Variants in C1orf52 observed in about 807,000 individuals in gnomAD.
The protein encoded by C1orf52 is chromosome 1 open reading frame 52.
In C1orf52, 5 loss-of-function variants were observed where a neutral mutation model predicts 17.2. That is an observed-to-expected ratio of 0.29 (90% CI 0.15 to 0.61). The LOEUF (loss-of-function observed/expected upper bound fraction) is 0.61, where lower values mean the gene tolerates loss of function less well. Ranked by LOEUF, C1orf52 falls within the 20% of genes least tolerant of loss-of-function variation. The pLI is 0.85. For synonymous variants in C1orf52, 110 were observed against 88.0 expected, an observed-to-expected ratio of 1.25 and a Z score of -1.40; for missense variants, 245 against 234.1, an observed-to-expected ratio of 1.05 and a Z score of -0.30.
chr1:85,257,598 C>A, intron 2 of C1orf52: 1 of 646,150 alleles, frequency 1.5e-6, no homozygotes, highest in Non-Finnish European at 2.8e-6. Context: ...CTTTTAGAAA[C>A]TCAACACTAG....
intron 2 of C1orf52, among the ~76,000 whole-genome samples, chr1:85,258,316 G>A (rs565237650): frequency 9.8e-5 from 15 of 152,288 alleles, no homozygotes; most frequent in African/African-American, 3.1e-4. Flanking sequence ...CTAAAATACA[G>A]CAACTACTAC....
In C1orf52 at chr1:85,251,388, ATTC is replaced by A. The variant is rs1423455775; in HGVS notation, c.*1238_*1240del. 1 of 152,172 alleles carries A rather than the reference ATTC, an allele frequency of 6.6e-6. No individual in the cohort carries two copies. Among genetic ancestry groups the A allele is most frequent in the Non-Finnish European group, 1.5e-5 (1 of 68,042 alleles). 9.4% of individuals were successfully genotyped at this position (152,172 alleles called of 1,614,324 possible). On this transcript the variant is annotated 3_prime_UTR_variant, in exon 3 of 3. Coordinates refer to ENST00000471115, the MANE Select transcript of C1orf52 (RefSeq NM_198077.4). Reference sequence around the variant, plus strand: ...TACACTGAATGTGCACTGTTCTGTAATTCTTATCTCTTAAGGGCTTCAGATTCA... The same window carrying A: ...TACACTGAATGTGCACTGTTCTGTAATTATCTCTTAAGGGCTTCAGATTCA...
chr1:85,255,458 G>T (rs1659912850), intron 2 of C1orf52, among the ~76,000 whole-genome samples: 1 of 151,920 alleles, frequency 6.6e-6, no homozygotes, highest in Non-Finnish European at 1.5e-5. Flanking sequence ...GCTGAGGCAG[G>T]AGAATCGCTT....
chr1:85,255,748 T>C (rs1382364385), intron 2 of C1orf52, among the ~76,000 whole-genome samples: 2 of 152,052 alleles, frequency 1.3e-5, no homozygotes, highest in East Asian at 3.9e-4. Context: ...CTGATATATA[T>C]TTTATGAATG....
Position 85,252,433 on chromosome 1 carries a change from AG to A in C1orf52, c.*195del, listed in dbSNP as rs752513129. ...ATCAATTTCACAATCACAAGTCACC[AG>A]TTGAGTTTTAAATACATACATGTTT... On this transcript the variant is annotated 3_prime_UTR_variant, in exon 3 of 3. Transcript: ENST00000471115. 9 of 500,294 alleles carry A rather than the reference AG, an allele frequency of 1.8e-5. No individual in the cohort carries two copies. The highest frequency in any genetic ancestry group is 3.2e-5 in the Non-Finnish European group (9 of 285,668). The allele number at this position is 500,294 out of a possible 1,614,324, so 31.0% of individuals were successfully genotyped here. A position where few individuals can be genotyped will look rare whatever the true frequency, so the allele number is the denominator to read the frequency against.
At chr1:85,256,483 A>G (rs1479871025) in intron 2 of C1orf52, among the ~76,000 whole-genome samples, 5 of 152,206 alleles carry the variant, frequency 3.3e-5, no homozygotes, top group African/African-American at 1.2e-4. Flanking sequence ...AAGATTATTT[A>G]AGCAAATATA....
intron 2 of C1orf52, among the ~76,000 whole-genome samples, chr1:85,255,987 T>G (rs556776607): frequency 2.0e-5 from 3 of 152,240 alleles, no homozygotes; most frequent in Non-Finnish European, 2.9e-5. Flanking sequence ...GATAATTCTT[T>G]CTTGCTTGCT....
chr1:85,253,664 A>C (rs1446902302), intron 2 of C1orf52, among the ~76,000 whole-genome samples: 1 of 152,162 alleles, frequency 6.6e-6, no homozygotes, highest in East Asian at 1.9e-4. Context: ...ACCTTTCCAA[A>C]ATGTTAATAG....
rs752385024 is a variant in C1orf52, at chr1:85,259,569, G to A, written c.65C>T (p.Ser22Phe). 3 of 1,611,190 alleles carry A rather than the reference G, an allele frequency of 1.9e-6. No homozygotes were observed. The highest frequency in any genetic ancestry group is 2.7e-5 in the African/African-American group (2 of 74,870). Residue 22 changes from serine to phenylalanine, a missense_variant, in exon 1 of 3, where the codon TCC becomes TTC. Transcript: ENST00000471115. Reference protein sequence around the residue: ...FAAYGSSSSGSSDEEDNIEPE... With the variant: ...FAAYGSSSSGFSDEEDNIEPE... ...CTCGATGTTATCCTCCTCGTCCGAG[G>A]AGCCTGAGCTGCTGCTCCCGTATGC...
intron 1 of C1orf52, chr1:85,258,957 G>A (rs759784900): frequency 2.9e-6 from 4 of 1,390,686 alleles, no homozygotes; most frequent in Admixed American, 3.2e-5. Context: ...CAGTCTCAGA[G>A]ATACTACGCC....
chr1:85,252,638 C>A lies in C1orf52; in HGVS notation c.540G>T (p.Lys180Asn), dbSNP rs776807563. The A allele has an allele frequency of 1.2e-6, 2 of 1,613,190 alleles. No individual in the cohort carries two copies. The highest frequency in any genetic ancestry group is 2.2e-5 in the South Asian group (2 of 91,022). ...TTCTGGTCATTTGTTTCTACTTTTT[C>A]TTCTTTGCTGGTTCTCCTGGCTCTA... is the stretch of plus-strand genomic sequence containing the variant. Reference protein sequence around the residue: ...RKVEPGEPAKKKK With the variant: ...RKVEPGEPAKNKK Residue 180 changes from lysine (K) to asparagine (N), a missense_variant, in exon 3 of 3, where the codon AAG (lysine) becomes AAT (asparagine). Lys to Asn is a moderately conservative substitution (Grantham distance 94, BLOSUM62 0). Coordinates refer to ENST00000471115, the MANE Select transcript of C1orf52 (RefSeq NM_198077.4).
In C1orf52 at chr1:85,259,310, G is replaced by A. The variant is rs367843799; in HGVS notation, c.276+48C>T. On this transcript the variant is annotated intron_variant, in intron 1 of 2. Transcript: ENST00000471115. Reference sequence around the variant, plus strand: ...CCCCAGCAGGGGGCTCAGGAGAAAGGGGGCGCAGGCCGGGGCCGAGACCGA... The same window carrying A: ...CCCCAGCAGGGGGCTCAGGAGAAAGAGGGCGCAGGCCGGGGCCGAGACCGA... 4 of 1,586,580 alleles carry A rather than the reference G, an allele frequency of 2.5e-6. No individual in the cohort carries two copies. In the East Asian group the frequency reaches 6.8e-5, roughly 27 times the overall value.
chr1:85,258,890 G>A, intron 1 of C1orf52, 168 bp from the exon 2 acceptor site: 1 of 1,432,126 alleles, frequency 7.0e-7, no homozygotes, highest in Non-Finnish European at 9.1e-7. Context: ...TAAGTGAAAA[G>A]CCAAAGGGTT....
chr1:85,259,078 G>T (rs1227024245), intron 1 of C1orf52: 2 of 1,341,676 alleles, frequency 1.5e-6, no homozygotes, highest in Non-Finnish European at 1.9e-6. Context: ...CGGGGGGGGC[G>T]GGGGAGTCAC....
chr1:85,259,103 G>A, intron 1 of C1orf52: 2 of 1,355,454 alleles, frequency 1.5e-6, no homozygotes, highest in South Asian at 1.6e-5. Flanking sequence ...GTTAGTCCTC[G>A]CCGCGCGGGG....
rs1488847186 is a variant in C1orf52 at position 85,251,361 on chromosome 1, T to C, written c.*1268A>G. The C allele has an allele frequency of 1.3e-5, 2 of 152,212 alleles. No homozygotes were observed. Among genetic ancestry groups the C allele is most frequent in the Admixed American group, 1.3e-4 (2 of 15,280 alleles). The allele number at this position is 152,212 out of a possible 1,614,324, so 9.4% of individuals were successfully genotyped here. A position where few individuals can be genotyped will look rare whatever the true frequency, so the allele number is the denominator to read the frequency against. On this transcript the variant is annotated 3_prime_UTR_variant, in exon 3 of 3. Transcript: ENST00000471115. ...CCACCATGCTTGGCTGTCTTGTTCT[T>C]ATACACTGAATGTGCACTGTTCTGT...
At chr1:85,257,586 G>A (rs912922951) in intron 2 of C1orf52, 3 of 654,494 alleles carry the variant, frequency 4.6e-6, no homozygotes, top group African/African-American at 1.8e-5. Flanking sequence ...AATCAGATAC[G>A]ACTTTTAGAA....
rs1332961857 is a variant in C1orf52, at chr1:85,259,643, G to A, written c.-10C>T. 9.1e-6 allele frequency: 14 copies of A among 1,535,210 alleles called. No individual in the cohort carries two copies. In the East Asian group the frequency reaches 9.8e-5, roughly 11 times the overall value. ...TCTCCTCCGCTGCCATGACGGCTGC[G>A]AGCGACAACCCAGCACTCCGCCGGA... is the stretch of plus-strand genomic sequence containing the variant. On this transcript the variant is annotated 5_prime_UTR_variant, in exon 1 of 3. Coordinates refer to ENST00000471115, the MANE Select transcript of C1orf52 (RefSeq NM_198077.4).
intron 2 of C1orf52, among the ~76,000 whole-genome samples, chr1:85,255,060 G>A (rs115559684): frequency 0.025 from 3,829 of 152,104 alleles, 66 homozygotes; most frequent in South Asian, 0.037. Flanking sequence ...TAGATGTACT[G>A]GTAAGGAAAC....
Sources: allele counts gnomAD v4.1 joint callset (sites outside exome capture counted in the v4.1 genomes callset), GRCh38; gene constraint gnomAD v4.1.1; transcripts MANE v1.5; gene names NCBI Gene and HGNC (gene_info 2026-07-23, HGNC 2026-07-21).